Variants in MAP2K5 observed in about 807,000 individuals in gnomAD.
The protein encoded by MAP2K5 is dual specificity mitogen-activated protein kinase kinase 5.
Under a neutral mutation model 83.1 loss-of-function variants are expected in MAP2K5, and 49 were observed. The observed-to-expected ratio is 0.59, with a 90% CI of 0.47 to 0.75. The LOEUF (loss-of-function observed/expected upper bound fraction) is 0.75. Among genes scored for constraint, MAP2K5 ranks in the 30% least tolerant of loss-of-function variants. The pLI is 0.00. For missense variants in MAP2K5, 457 were observed against 557.5 expected (o/e 0.82, Z 1.82); for synonymous variants, 202 against 191.8 (o/e 1.05, Z -0.44).
chr15:67,759,886 A>T (rs1467916513), intron 19 of MAP2K5, among the ~76,000 whole-genome samples: 1 of 152,250 alleles, frequency 6.6e-6, no homozygotes, highest in Non-Finnish European at 1.5e-5. Context: ...TTAATGACTG[A>T]GGCATTAGAA....
chr15:67,696,570 T>C (rs1177542429), intron 15 of MAP2K5, among the ~76,000 whole-genome samples: 1 of 152,202 alleles, frequency 6.6e-6, no homozygotes, highest in African/African-American at 2.4e-5. Flanking sequence ...TTAGGTACAG[T>C]GGAACCACTC....
rs1201907042 is a variant in MAP2K5, at chr15:67,585,922, G to A, written c.355G>A (p.Gly119Ser). The change falls in exon 5 of 22, where the codon GGC becomes AGC. Residue 119 changes from glycine (G) to serine (S), a missense_variant. Gly to Ser is a moderately conservative substitution (Grantham distance 56). Transcript: ENST00000178640. ...GCCTCCTGGGGAACGGAACATACAT[G>A]GCCTGAAGGTACGAATTTCAATAAT... ...CKPPGERNIH[G>S]LKVNTRAGPS... 1 of 1,613,662 alleles carries A rather than the reference G, an allele frequency of 6.2e-7. No homozygotes were observed. The highest frequency in any genetic ancestry group is 2.2e-5 in the East Asian group (1 of 44,868).
chr15:67,735,815 A>G (rs1056543362), intron 17 of MAP2K5, among the ~76,000 whole-genome samples: 2 of 152,202 alleles, frequency 1.3e-5, no homozygotes, highest in African/African-American at 4.8e-5. Flanking sequence ...ACACCAAGTC[A>G]TAATAATAAA....
chr15:67,595,487 G>A lies in MAP2K5; in HGVS notation c.480+2513G>A, dbSNP rs552213565. 2.0e-5 allele frequency among the ~76,000 whole-genome samples: 3 copies of A among 152,250 alleles called. No homozygotes were observed. In the East Asian group the frequency reaches 5.8e-4, roughly 29 times the overall value. Reference sequence around the variant, plus strand: ...GTCAGACCTTTACATATAAAATAAGGATTAATTGAGCATTTTTATTTTAAT... The same window carrying A: ...GTCAGACCTTTACATATAAAATAAGAATTAATTGAGCATTTTTATTTTAAT... On this transcript the variant is annotated intron_variant, in intron 7 of 21. Coordinates refer to ENST00000178640, the MANE Select transcript of MAP2K5 (RefSeq NM_145160.3).
rs144034315 is a variant in MAP2K5, at chr15:67,696,503, T to C, written c.972+2935T>C. 2.0e-5 allele frequency among the ~76,000 whole-genome samples: 3 copies of C among 152,338 alleles called. No individual in the cohort carries two copies. The East Asian group carries it at 5.8e-4, about 29-fold the overall frequency. ...CTGATCTATGCCAGTGAAAGTTGTA[T>C]CTGAAACTGAGCACCTTCAATAATC... On this transcript the variant is annotated intron_variant, in intron 15 of 21. Transcript: ENST00000178640.
At chr15:67,554,658 C>T (rs1219701719) in intron 2 of MAP2K5, among the ~76,000 whole-genome samples, 1 of 152,140 alleles carries the variant, frequency 6.6e-6, no homozygotes, top group Admixed American at 6.5e-5. Context: ...CCCCTTCAAC[C>T]TGCCTTCTGG....
At chr15:67,582,376 C>T (rs1257797731) in intron 4 of MAP2K5, among the ~76,000 whole-genome samples, 1 of 152,106 alleles carries the variant, frequency 6.6e-6, no homozygotes, top group East Asian at 1.9e-4. Context: ...CAGATTATTT[C>T]TTAATGTTTG....
chr15:67,789,004 A>C (rs895708627), intron 21 of MAP2K5, among the ~76,000 whole-genome samples: 2 of 151,944 alleles, frequency 1.3e-5, no homozygotes, highest in African/African-American at 4.8e-5. Context: ...ACAGTACAGA[A>C]GGATATACAG....
At chr15:67,732,840 T>A (rs766183875) in intron 17 of MAP2K5, among the ~76,000 whole-genome samples, 12 of 152,194 alleles carry the variant, frequency 7.9e-5, no homozygotes, top group Admixed American at 2.0e-4. Flanking sequence ...TGCATCTGTC[T>A]GCGCCAGGCT....
intron 9 of MAP2K5, among the ~76,000 whole-genome samples, chr15:67,632,771 A>G (rs921639937): frequency 1.3e-5 from 2 of 152,252 alleles, no homozygotes; most frequent in African/African-American, 4.8e-5. Flanking sequence ...CAATTACATT[A>G]GAATTGCTTA....
At chr15:67,759,234 T>C (rs1212157997) in intron 19 of MAP2K5, among the ~76,000 whole-genome samples, 1 of 152,060 alleles carries the variant, frequency 6.6e-6, no homozygotes, top group Non-Finnish European at 1.5e-5. Context: ...ATGGCAAGAA[T>C]GATTGCCTAA....
At position 67,786,454 on chromosome 15, in the gene MAP2K5, CCATGATGGGTT is replaced by C. The variant is rs1273018748; in HGVS notation, c.1242+13705_1242+13715del. On this transcript the variant is annotated intron_variant, in intron 21 of 21. Coordinates refer to ENST00000178640, the MANE Select transcript of MAP2K5 (RefSeq NM_145160.3). The surrounding 1 kb of genome is among the most constrained non-coding windows in gnomAD (Gnocchi z 4.7). Reference sequence around the variant, plus strand: ...ATTTGTTGTCCAGGTCTGTGAGGTGCCATGATGGGTTCAGAAAGAATATAAGAAAGACCTAT... The same window carrying C: ...ATTTGTTGTCCAGGTCTGTGAGGTGCCAGAAAGAATATAAGAAAGACCTAT... Among the ~76,000 whole-genome samples the C allele has an allele frequency of 3.9e-5, 6 of 151,914 alleles. No homozygotes were observed. Among genetic ancestry groups the C allele is most frequent in the Non-Finnish European group, 4.4e-5 (3 of 67,952 alleles).
intron 11 of MAP2K5, among the ~76,000 whole-genome samples, chr15:67,650,584 A>T (rs2086930115): frequency 6.6e-6 from 1 of 151,536 alleles, no homozygotes; most frequent in African/African-American, 2.4e-5. Flanking sequence ...CTATTGAAAT[A>T]ATCGTGCATA....
chr15:67,634,693 A>T (rs2086559912), intron 9 of MAP2K5, among the ~76,000 whole-genome samples: 3 of 152,012 alleles, frequency 2.0e-5, no homozygotes, highest in African/African-American at 7.2e-5. Context: ...GTCTGTGATC[A>T]TATTCTTTGC....
At chr15:67,604,242 A>C (rs1319925119) in intron 8 of MAP2K5, among the ~76,000 whole-genome samples, 1 of 152,246 alleles carries the variant, frequency 6.6e-6, no homozygotes, top group Non-Finnish European at 1.5e-5. Flanking sequence ...TATTTCTTGG[A>C]TTACTAATTT....
chr15:67,604,817 C>A (rs970544311), intron 8 of MAP2K5, among the ~76,000 whole-genome samples: 11 of 151,892 alleles, frequency 7.2e-5, no homozygotes, highest in South Asian at 2.1e-4. Context: ...ATAGCTTGAA[C>A]CCGGGAGGTG....
rs527443113 is a variant in MAP2K5, at chr15:67,639,556, C to T, written c.586-6675C>T. Among the ~76,000 whole-genome samples the T allele has an allele frequency of 3.3e-5, 5 of 152,294 alleles. No homozygotes were observed. In the East Asian group the frequency reaches 5.8e-4, roughly 18 times the overall value. ...TTCTAAGTGCCGGTGACCCCCCTGC[C>T]GGCGCTGCTCACTGCTCTCAGATTT... is the stretch of plus-strand genomic sequence containing the variant. On this transcript the variant is annotated intron_variant, in intron 9 of 21. Transcript: ENST00000178640.
intron 9 of MAP2K5, among the ~76,000 whole-genome samples, chr15:67,645,494 A>T (rs1270094835): frequency 1.3e-5 from 2 of 152,166 alleles, no homozygotes; most frequent in African/African-American, 2.4e-5. Context: ...AATAAATAAA[A>T]TGTCATTTTT....
At chr15:67,642,234 AAC>A (rs1204730555) in intron 9 of MAP2K5, among the ~76,000 whole-genome samples, 2 of 152,200 alleles carry the variant, frequency 1.3e-5, no homozygotes, top group Non-Finnish European at 2.9e-5. Flanking sequence ...TCTGTCTAGA[AAC>A]AGTTTCTTAT....
Sources: allele counts gnomAD v4.1 joint callset (sites outside exome capture counted in the v4.1 genomes callset), GRCh38; gene constraint gnomAD v4.1.1; non-coding constraint Gnocchi (gnomAD v3.1); transcripts MANE v1.5; gene names NCBI Gene and HGNC (gene_info 2026-07-23, HGNC 2026-07-21).